The following CNKSR3 variants were observed in gnomAD, a reference collection of about 807,000 sequenced individuals.
The protein encoded by CNKSR3 is connector enhancer of kinase suppressor of ras 3.
CNKSR3 carries 36 observed loss-of-function variants against 67.7 expected under a neutral mutation model. The observed-to-expected ratio is 0.53, with a 90% CI of 0.41 to 0.70. The LOEUF (loss-of-function observed/expected upper bound fraction) is 0.70. CNKSR3 is among the 30% of genes least tolerant of loss of function. CNKSR3 has a pLI of 0.00. For synonymous variants in CNKSR3, 281 were observed against 271.4 expected, an observed-to-expected ratio of 1.04 and a Z score of -0.35; for missense variants, 630 against 695.2, an observed-to-expected ratio of 0.91 and a Z score of 1.05.
intron 10 of CNKSR3, among the ~76,000 whole-genome samples, chr6:154,412,072 C>T (rs1345755375): frequency 3.3e-5 from 5 of 152,154 alleles, no homozygotes; most frequent in African/African-American, 1.2e-4. Context: ...TTGGTAAATT[C>T]CATTAGGCAA....
rs563979395 is a variant in CNKSR3 at position 154,402,287 on chromosome 6, C to G, written c.*4067G>C. The G allele has an allele frequency of 5.3e-5, 8 of 152,304 alleles. No homozygotes were observed. The South Asian group carries it at 1.7e-3, about 32-fold the overall frequency. 9.4% of individuals were successfully genotyped at this position (152,304 alleles called of 1,614,324 possible). A position where few individuals can be genotyped will look rare whatever the true frequency, so the allele number is the denominator to read the frequency against. ...TACAGCCCTCACAACAAAGAGCTGA[C>G]TCATCAACACAACTTTCAATTGCCC... is the stretch of plus-strand genomic sequence containing the variant. On this transcript the variant is annotated 3_prime_UTR_variant, in exon 13 of 13. Transcript: ENST00000607772.
At chr6:154,411,305 A>T (rs1025838022) in intron 10 of CNKSR3, among the ~76,000 whole-genome samples, 163 bp from the exon 11 acceptor site, 2 of 152,200 alleles carry the variant, frequency 1.3e-5, no homozygotes, top group African/African-American at 4.8e-5. Context: ...CCGCTCAAAT[A>T]CATACAGATC....
At chr6:154,483,929 G>T (rs538543021) in intron 1 of CNKSR3, among the ~76,000 whole-genome samples, 1 of 152,274 alleles carries the variant, frequency 6.6e-6, no homozygotes, top group Non-Finnish European at 1.5e-5. Flanking sequence ...CTGTACTACA[G>T]AACAGGAAAA....
In CNKSR3 at chr6:154,400,969, G is replaced by A. The variant is rs1784709675; in HGVS notation, c.*5385C>T. The A allele has an allele frequency of 6.6e-6, 1 of 152,192 alleles. No individual in the cohort carries two copies. The highest frequency in any genetic ancestry group is 2.1e-4 in the South Asian group (1 of 4,830). The allele number at this position is 152,192 out of a possible 1,614,324, so 9.4% of individuals were successfully genotyped here. A position where few individuals can be genotyped will look rare whatever the true frequency, so the allele number is the denominator to read the frequency against. ...TAAATTCCCTTAGGTATTACCAAAT[G>A]TGTGTTGAGGTCCTCAACTGGGGTT... is the stretch of plus-strand genomic sequence containing the variant. On this transcript the variant is annotated 3_prime_UTR_variant, in exon 13 of 13. Transcript: ENST00000607772.
intron 4 of CNKSR3, among the ~76,000 whole-genome samples, chr6:154,440,597 T>G (rs1051310881): frequency 1.3e-5 from 2 of 152,192 alleles, no homozygotes; most frequent in Non-Finnish European, 2.9e-5. Flanking sequence ...TACCTAGGTC[T>G]GGGCAATGAG....
chr6:154,424,110 T>C (rs930956809), intron 7 of CNKSR3, among the ~76,000 whole-genome samples: 2 of 151,700 alleles, frequency 1.3e-5, no homozygotes, highest in Non-Finnish European at 2.9e-5. Context: ...CGGGCGCCTG[T>C]AGTCCCAGCT....
rs561650904 is a variant in CNKSR3, at chr6:154,480,245, T to A, written c.52+29818A>T. 7.7e-4 allele frequency among the ~76,000 whole-genome samples: 117 copies of A among 152,372 alleles called. 1 individual carries two copies. The highest frequency in any genetic ancestry group is 1.6e-4 in the Non-Finnish European group (11 of 68,032). On this transcript the variant is annotated intron_variant, in intron 1 of 12. Transcript: ENST00000607772. ...ACATAAGCTGGGCACTCTCTCCTGC[T>A]GTTTCATTAATGCTCATAACAGCCA... is the stretch of plus-strand genomic sequence containing the variant.
chr6:154,440,243 C>T (rs1785553565), intron 4 of CNKSR3, among the ~76,000 whole-genome samples: 1 of 152,160 alleles, frequency 6.6e-6, no homozygotes. Context: ...CCAGAAACAA[C>T]CAGAAAAAGC....
At chr6:154,431,080 C>T (rs1328753860) in intron 5 of CNKSR3, among the ~76,000 whole-genome samples, 3 of 151,832 alleles carry the variant, frequency 2.0e-5, no homozygotes, top group Non-Finnish European at 4.4e-5. Flanking sequence ...ATATCCCCTC[C>T]ACCACCAGCC....
intron 1 of CNKSR3, among the ~76,000 whole-genome samples, chr6:154,479,447 C>T (rs1177202310): frequency 6.6e-6 from 1 of 152,110 alleles, no homozygotes; most frequent in African/African-American, 2.4e-5. Context: ...ACTAGAGCTC[C>T]AAAACTGAAG....
chr6:154,473,585 A>G lies in CNKSR3; in HGVS notation c.53-23327T>C, dbSNP rs187806582. Among the ~76,000 whole-genome samples, 592 of 152,260 alleles carry G rather than the reference A, an allele frequency of 3.9e-3. 3 individuals are homozygous for G. Among genetic ancestry groups the G allele is most frequent in the Non-Finnish European group, 6.6e-3 (448 of 68,016 alleles). The stretch of plus-strand genomic sequence containing the variant: ...AATGAGGACGTTGTACAGTGAGCGC[A>G]TGCATTTAGGGAGTGTCTACTCTAC... On this transcript the variant is annotated intron_variant, in intron 1 of 12. Coordinates refer to ENST00000607772, the MANE Select transcript of CNKSR3 (RefSeq NM_173515.4).
intron 1 of CNKSR3, among the ~76,000 whole-genome samples, chr6:154,481,414 T>C (rs1241300447): frequency 1.3e-5 from 2 of 152,224 alleles, no homozygotes. Flanking sequence ...TTGTTTGATA[T>C]TTATCTATTT....
intron 1 of CNKSR3, among the ~76,000 whole-genome samples, chr6:154,469,114 C>T (rs190148806): frequency 1.1e-4 from 17 of 152,280 alleles, no homozygotes; most frequent in African/African-American, 4.1e-4. Flanking sequence ...TTAATGACAT[C>T]TTGAGTCAAT....
intron 9 of CNKSR3, among the ~76,000 whole-genome samples, chr6:154,419,127 A>G (rs1008306323): frequency 1.4e-5 from 2 of 147,992 alleles, no homozygotes; most frequent in African/African-American, 2.5e-5. Flanking sequence ...GCAGCCTCCC[A>G]GTCTCAAGCA....
chr6:154,447,912 G>T (rs182936552), intron 2 of CNKSR3, among the ~76,000 whole-genome samples: 2 of 152,272 alleles, frequency 1.3e-5, no homozygotes, highest in East Asian at 1.9e-4. Flanking sequence ...AGTATAATTA[G>T]TATATGAATT....
intron 5 of CNKSR3, among the ~76,000 whole-genome samples, chr6:154,433,065 C>A (rs1785401834): frequency 6.6e-6 from 1 of 152,150 alleles, no homozygotes; most frequent in South Asian, 2.1e-4. Flanking sequence ...ACAAAATGCT[C>A]CTTAAACAGT....
rs148808934 is a variant in CNKSR3 at position 154,429,324 on chromosome 6, G to GC, written c.670-1138dup. ...ATGATGAGAGCCCCATCAAACACCA[G>GC]CGCCTTCAGGTTCTCCTGATTCCTC... On this transcript the variant is annotated intron_variant, in intron 6 of 12. Coordinates refer to ENST00000607772, the MANE Select transcript of CNKSR3 (RefSeq NM_173515.4). Among the ~76,000 whole-genome samples the GC allele has an allele frequency of 2.1e-4, 32 of 152,250 alleles. No homozygotes were observed. The East Asian group carries it at 5.4e-3, about 26-fold the overall frequency.
intron 10 of CNKSR3, among the ~76,000 whole-genome samples, chr6:154,411,633 CAAAAAA>C (rs57943019): frequency 1.3e-4 from 13 of 103,358 alleles, no homozygotes; most frequent in Non-Finnish European, 1.9e-4. Flanking sequence ...GACTCCATCT[CAAAAAA>C]AAAAAAAAAA....
At chr6:154,492,378 C>A (rs932018466) in intron 1 of CNKSR3, among the ~76,000 whole-genome samples, 3 of 152,134 alleles carry the variant, frequency 2.0e-5, no homozygotes, top group African/African-American at 7.2e-5. Context: ...ACCCCAATGG[C>A]CAGCAAATTT....
Sources: gnomAD v4.1 joint callset for allele counts (sites outside exome capture counted in the v4.1 genomes callset) on GRCh38, gnomAD v4.1.1 for gene constraint, MANE v1.5 for transcripts, NCBI Gene and HGNC (gene_info 2026-07-23, HGNC 2026-07-21) for gene names.